Variants in PIAS2 observed in about 807,000 individuals in gnomAD.
PIAS2 encodes E3 SUMO-protein ligase PIAS2.
In PIAS2, 19 loss-of-function variants were observed where a neutral mutation model predicts 69.7. The ratio of observed to expected loss-of-function variants is 0.27; its 90% CI spans 0.19 to 0.40. PIAS2 has a LOEUF of 0.40. PIAS2 is among the 10% of genes least tolerant of loss of function. PIAS2 has a pLI of 1.00. For missense variants in PIAS2, 624 were observed against 757.0 expected (o/e 0.82, Z 2.06); for synonymous variants, 261 against 263.2 (o/e 0.99, Z 0.08).
At chr18:46,890,462 C>T (rs923689159) in intron 2 of PIAS2, 118 bp downstream of exon 2, 1 of 646,024 alleles carries the variant, frequency 1.5e-6, no homozygotes, top group Non-Finnish European at 2.6e-6. Context: ...TATATTCAAA[C>T]ATTCGGCATT....
intron 12 of PIAS2, 180 bp from the exon 13 acceptor site, chr18:46,815,529 T>C (rs965849093): frequency 6.1e-6 from 6 of 985,124 alleles, no homozygotes; most frequent in Non-Finnish European, 7.2e-6. Context: ...AAGATGAATA[T>C]ATTCTCTGAT....
chr18:46,895,883 C>T (rs1011844438), intron 1 of PIAS2, among the ~76,000 whole-genome samples: 1 of 152,074 alleles, frequency 6.6e-6, no homozygotes, highest in Non-Finnish European at 1.5e-5. Flanking sequence ...CATGTAATCC[C>T]TATAATTAAA....
rs1223985507 is a variant in PIAS2, at chr18:46,806,708, C to T, written c.*5725G>A. On this transcript the variant is annotated 3_prime_UTR_variant, in exon 14 of 14. Transcript: ENST00000585916. ...ATTATAAGCTGCCTGATGTCTGGAA[C>T]CAAAACTTCTGTAACACTCTATTCC... is the stretch of plus-strand genomic sequence containing the variant. 2 of 152,070 alleles carry T rather than the reference C, an allele frequency of 1.3e-5. No homozygotes were observed. Among genetic ancestry groups the T allele is most frequent in the African/African-American group, 2.4e-5 (1 of 41,396 alleles). The allele number at this position is 152,070 out of a possible 1,614,324, so 9.4% of individuals were successfully genotyped here. A position where few individuals can be genotyped will look rare whatever the true frequency, so the allele number is the denominator to read the frequency against.
intron 2 of PIAS2, among the ~76,000 whole-genome samples, chr18:46,887,310 A>G (rs2145939929): frequency 6.6e-6 from 1 of 152,120 alleles, no homozygotes; most frequent in East Asian, 1.9e-4. Flanking sequence ...GGCCATACTA[A>G]CCCCACTAAC....
chr18:46,889,136 G>A (rs1490429921), intron 2 of PIAS2, among the ~76,000 whole-genome samples: 2 of 152,060 alleles, frequency 1.3e-5, no homozygotes, highest in Admixed American at 6.6e-5. Context: ...AATTCTTAAA[G>A]GAAAACACAG....
Position 46,858,158 on chromosome 18 carries a change from A to C in PIAS2, c.585-2543T>G, listed in dbSNP as rs569315507. On this transcript the variant is annotated intron_variant, in intron 3 of 13. Transcript: ENST00000585916. ...ATGTGAACACCATAGTTAACCTAGG[A>C]AACACAAATGGGAAAGCCTAGTCAG... 3.3e-5 allele frequency among the ~76,000 whole-genome samples: 5 copies of C among 152,108 alleles called. No individual in the cohort carries two copies. The South Asian group carries it at 1.0e-3, about 32-fold the overall frequency.
intron 2 of PIAS2, among the ~76,000 whole-genome samples, chr18:46,889,559 T>TA (rs558839357): frequency 0.011 from 1,643 of 145,752 alleles, 13 homozygotes; most frequent in Non-Finnish European, 0.017. Context: ...ATGGCCACTA[T>TA]AAAAAAAAAA....
chr18:46,843,544 A>G (rs1325705115), intron 8 of PIAS2, among the ~76,000 whole-genome samples: 2 of 152,186 alleles, frequency 1.3e-5, no homozygotes, highest in African/African-American at 4.8e-5. Context: ...TTCTCCCACA[A>G]TTAGCTCAGT....
chr18:46,852,942 G>A (rs2047190989), intron 5 of PIAS2: 1 of 152,288 alleles, frequency 6.6e-6, no homozygotes, highest in Non-Finnish European at 1.5e-5. Flanking sequence ...TTTCATCACA[G>A]ATAATGGGAG....
rs780786955 is a variant in PIAS2 at position 46,844,727 on chromosome 18, T to C, written c.967+7A>G. The C allele has an allele frequency of 8.8e-7, 1 of 1,133,108 alleles. No individual in the cohort carries two copies. Among genetic ancestry groups the C allele is most frequent in the Non-Finnish European group, 1.2e-6 (1 of 825,468 alleles). 70.2% of individuals were successfully genotyped at this position (1,133,108 alleles called of 1,614,324 possible). On this transcript the variant is annotated splice_region_variant and intron_variant, in intron 7 of 13. Transcript: ENST00000585916. ...TTAAATGCTTGGTCTTATTAAACAT[T>C]ACTTACTTAGTGCTCTGGAATGATC...
intron 8 of PIAS2, chr18:46,843,853 C>G: frequency 2.5e-6 from 1 of 394,528 alleles, no homozygotes; most frequent in South Asian, 8.3e-5. Context: ...GAGCCTAAAG[C>G]TATCTTCCCT....
intron 1 of PIAS2, among the ~76,000 whole-genome samples, chr18:46,894,370 T>C (rs918566328): frequency 1.3e-5 from 2 of 152,030 alleles, no homozygotes; most frequent in Non-Finnish European, 2.9e-5. Flanking sequence ...GGGGTTAAGG[T>C]TAGCCTGCTA....
intron 2 of PIAS2, among the ~76,000 whole-genome samples, chr18:46,873,844 T>G (rs577962991): frequency 6.6e-6 from 1 of 152,144 alleles, no homozygotes; most frequent in Non-Finnish European, 1.5e-5. Flanking sequence ...AGCTGCCGTT[T>G]CCTCTGAAAC....
intron 3 of PIAS2, among the ~76,000 whole-genome samples, chr18:46,859,703 T>G (rs7242313): frequency 6.6e-6 from 1 of 152,118 alleles, no homozygotes; most frequent in Admixed American, 6.6e-5. Context: ...GAACAAAAGA[T>G]AAGCAGGTTT....
At chr18:46,916,735 G>C in intron 1 of PIAS2, 1 of 800,050 alleles carries the variant, frequency 1.2e-6, no homozygotes, top group African/African-American at 1.9e-5. Flanking sequence ...CGAGGTTTAA[G>C]GCCGATTATT....
chr18:46,832,260 CA>C (rs1333046849), intron 9 of PIAS2, among the ~76,000 whole-genome samples: 1 of 151,770 alleles, frequency 6.6e-6, no homozygotes, highest in Admixed American at 6.6e-5. Flanking sequence ...ACTAAAAATA[CA>C]AAAATTAGCC....
In PIAS2 at chr18:46,836,367, T is replaced by C. The variant is rs2044437419; in HGVS notation, c.1192A>G (p.Ile398Val). The C allele has an allele frequency of 6.2e-7, 1 of 1,613,872 alleles. No individual in the cohort carries two copies. Among genetic ancestry groups the C allele is most frequent in the Non-Finnish European group, 8.5e-7 (1 of 1,179,764 alleles). The change falls in exon 9 of 14, where the codon ATA (isoleucine) becomes GTA (valine). Residue 398 changes from isoleucine (I) to valine (V), a missense_variant. Ile to Val is a conservative substitution (Grantham distance 29). Coordinates refer to ENST00000585916, the MANE Select transcript of PIAS2 (RefSeq NM_004671.5). Reference protein sequence around the residue: ...CDKKAAYESLILDGLFMEILN... With the variant: ...CDKKAAYESLVLDGLFMEILN... ...AAGGGATATACTTACCCATCTAATA[T>C]TAGACTTTCATAGGCAGCTTTTTTG...
chr18:46,870,881 T>G (rs553601966), intron 2 of PIAS2, among the ~76,000 whole-genome samples: 1 of 152,022 alleles, frequency 6.6e-6, no homozygotes, highest in South Asian at 2.1e-4. Context: ...CCTCGATGGG[T>G]CAATAACAAT....
intron 8 of PIAS2, among the ~76,000 whole-genome samples, chr18:46,839,992 C>T (rs2045107956): frequency 1.3e-5 from 2 of 152,014 alleles, no homozygotes; most frequent in African/African-American, 4.8e-5. Flanking sequence ...GAAACCCCGT[C>T]TCTACTAAGA....
Sources: allele counts gnomAD v4.1 joint callset (sites outside exome capture counted in the v4.1 genomes callset), GRCh38; gene constraint gnomAD v4.1.1; transcripts MANE v1.5; gene names NCBI Gene and HGNC (gene_info 2026-07-23, HGNC 2026-07-21).